DLGAP2: variants seen among roughly 807,000 people sequenced by gnomAD.
DLGAP2 encodes disks large-associated protein 2.
Under a neutral mutation model 100.3 loss-of-function variants are expected in DLGAP2, and 26 were observed. That is an observed-to-expected ratio of 0.26 (90% CI 0.19 to 0.36). The LOEUF (loss-of-function observed/expected upper bound fraction) is 0.36. Among genes scored for constraint, DLGAP2 ranks in the 10% least tolerant of loss-of-function variants. DLGAP2 has a pLI of 1.00. For missense variants in DLGAP2, 1,858 were observed against 1,453.2 expected (o/e 1.28, Z -4.53); for synonymous variants, 886 against 630.1 (o/e 1.41, Z -6.08).
rs186641050 is a variant in DLGAP2 at position 974,051 on chromosome 8, G to A, written c.73+66085G>A. Among the ~76,000 whole-genome samples the A allele has an allele frequency of 2.0e-5, 3 of 152,224 alleles. No individual in the cohort carries two copies. In the East Asian group the frequency reaches 5.8e-4, roughly 29 times the overall value. Reference sequence around the variant, plus strand: ...AAATACAAAAGAAGTAACATATGTGGAATGGTAATACCAGAAAGAGAAGAA... The same window carrying A: ...AAATACAAAAGAAGTAACATATGTGAAATGGTAATACCAGAAAGAGAAGAA... On this transcript the variant is annotated intron_variant, in intron 2 of 14. Coordinates refer to ENST00000637795, the MANE Select transcript of DLGAP2 (RefSeq NM_001346810.2).
At chr8:1,411,601 T>G (rs1371636908) in intron 3 of DLGAP2, among the ~76,000 whole-genome samples, 2 of 152,232 alleles carry the variant, frequency 1.3e-5, no homozygotes, top group African/African-American at 2.4e-5. Context: ...GGTGGTAGAC[T>G]TGAGGGCCTC....
intron 1 of DLGAP2, among the ~76,000 whole-genome samples, chr8:890,662 C>T (rs1178446812): frequency 3.3e-5 from 5 of 152,062 alleles, no homozygotes; most frequent in African/African-American, 1.2e-4. Flanking sequence ...TTTGCCCTCA[C>T]CCACCCGGTG....
chr8:1,080,641 C>T (rs963946983), intron 2 of DLGAP2, among the ~76,000 whole-genome samples: 5 of 152,182 alleles, frequency 3.3e-5, no homozygotes, highest in South Asian at 2.1e-4. Flanking sequence ...CTGGGCCCTG[C>T]GCTCTGTCCT....
intron 3 of DLGAP2, among the ~76,000 whole-genome samples, chr8:1,493,739 C>G (rs745452258): frequency 1.5e-4 from 23 of 152,224 alleles, no homozygotes; most frequent in Middle Eastern, 3.2e-3. Flanking sequence ...GCTGCCATCT[C>G]CCTGGGCAGC....
intron 5 of DLGAP2, among the ~76,000 whole-genome samples, chr8:1,549,989 T>C (rs1801705980): frequency 6.6e-6 from 1 of 152,200 alleles, no homozygotes; most frequent in Admixed American, 6.5e-5. Flanking sequence ...CCCTCCTCAC[T>C]GAAATGTTGT....
intron 2 of DLGAP2, among the ~76,000 whole-genome samples, chr8:981,262 C>G (rs1563126685): frequency 6.6e-6 from 1 of 152,176 alleles, no homozygotes; most frequent in Admixed American, 6.5e-5. Context: ...CCGTTGCTTT[C>G]TGGGGCTGAG....
intron 8 of DLGAP2, among the ~76,000 whole-genome samples, chr8:1,648,830 C>T (rs1383160325): frequency 2.6e-5 from 4 of 152,178 alleles, no homozygotes; most frequent in African/African-American, 9.7e-5. Flanking sequence ...GAGAGGATAT[C>T]GTGGGGTTGG....
At chr8:1,317,792 G>A (rs1352599351) in intron 3 of DLGAP2, among the ~76,000 whole-genome samples, 1 of 100,624 alleles carries the variant, frequency 9.9e-6, no homozygotes, top group Non-Finnish European at 1.9e-5. Flanking sequence ...ACTCGTCAGT[G>A]TTAAAAAATA....
At chr8:1,291,767 G>T (rs959828468) in intron 3 of DLGAP2, among the ~76,000 whole-genome samples, 1 of 152,052 alleles carries the variant, frequency 6.6e-6, no homozygotes, top group African/African-American at 2.4e-5. Context: ...CCAACATTGA[G>T]CCCCCGGGGG....
intron 2 of DLGAP2, among the ~76,000 whole-genome samples, chr8:1,182,945 C>T (rs1392310352): frequency 7.9e-5 from 12 of 152,080 alleles, no homozygotes; most frequent in East Asian, 3.9e-4. Context: ...GGGTGGGAGA[C>T]GCGCACCATG....
intron 2 of DLGAP2, among the ~76,000 whole-genome samples, chr8:1,008,667 A>T (rs1247549026): frequency 1.3e-5 from 2 of 152,076 alleles, no homozygotes; most frequent in Non-Finnish European, 2.9e-5. Flanking sequence ...TAAGCTGGAG[A>T]ACAGCTGTCC....
At chr8:890,885 G>T (rs1046362787) in intron 1 of DLGAP2, among the ~76,000 whole-genome samples, 6 of 152,068 alleles carry the variant, frequency 3.9e-5, no homozygotes, top group African/African-American at 1.4e-4. Context: ...GGATGTTCTT[G>T]GCACCCCAGC....
intron 1 of DLGAP2, among the ~76,000 whole-genome samples, chr8:777,819 G>A (rs1214052876): frequency 1.3e-5 from 2 of 152,086 alleles, no homozygotes; most frequent in African/African-American, 2.4e-5. Context: ...GAATCTGACA[G>A]TTATGTGTCT....
chr8:1,527,182 C>T (rs543758007), intron 4 of DLGAP2, among the ~76,000 whole-genome samples: 3 of 152,366 alleles, frequency 2.0e-5, no homozygotes, highest in South Asian at 4.1e-4. Context: ...CCGTGACTGA[C>T]ATGGTGTGCA....
intron 3 of DLGAP2, among the ~76,000 whole-genome samples, chr8:1,438,296 G>T (rs886601145): frequency 3.3e-5 from 5 of 152,176 alleles, no homozygotes; most frequent in Admixed American, 2.0e-4. Context: ...TATGAGGAAG[G>T]GTAAGGGGTC....
At chr8:1,126,781 G>A (rs1308111391) in intron 2 of DLGAP2, among the ~76,000 whole-genome samples, 3 of 152,108 alleles carry the variant, frequency 2.0e-5, no homozygotes, top group Non-Finnish European at 2.9e-5. Context: ...GAGGGGTCCA[G>A]GAGACCAGAC....
At chr8:1,067,958 C>G (rs1427286118) in intron 2 of DLGAP2, among the ~76,000 whole-genome samples, 2 of 152,146 alleles carry the variant, frequency 1.3e-5, no homozygotes. Flanking sequence ...TCCGCCCACT[C>G]CTCCCTCCCT....
intron 3 of DLGAP2, among the ~76,000 whole-genome samples, chr8:1,416,686 A>G (rs1298800024): frequency 2.0e-5 from 3 of 152,144 alleles, no homozygotes; most frequent in Non-Finnish European, 2.9e-5. Flanking sequence ...CAAAGTGTCT[A>G]TCAGGTCACT....
chr8:1,144,557 G>A (rs1796573801), intron 2 of DLGAP2, among the ~76,000 whole-genome samples: 1 of 152,208 alleles, frequency 6.6e-6, no homozygotes, highest in South Asian at 2.1e-4. Flanking sequence ...ACCACCTCCA[G>A]AAGCTACAGG....
Sources: allele counts gnomAD v4.1 joint callset (sites outside exome capture counted in the v4.1 genomes callset), GRCh38; gene constraint gnomAD v4.1.1; transcripts MANE v1.5; gene names NCBI Gene and HGNC (gene_info 2026-07-23, HGNC 2026-07-21).